Variants in NAV3 observed in about 807,000 individuals in gnomAD.
NAV3 encodes pore membrane and/or filament interacting like protein 1.
NAV3 carries 87 observed loss-of-function variants against 244.7 expected under a neutral mutation model. That is an observed-to-expected ratio of 0.36 (90% CI 0.30 to 0.42). The LOEUF is 0.42. Among genes scored for constraint, NAV3 ranks in the 20% least tolerant of loss-of-function variants. The probability of loss-of-function intolerance (pLI) is 1.00; values close to 1 mark genes in which losing one functional copy is unlikely to be tolerated. For missense variants in NAV3, 2,663 were observed against 2,893.3 expected (o/e 0.92, Z 1.83); for synonymous variants, 1,126 against 1,042.2 (o/e 1.08, Z -1.55).
rs113211322 is a variant in NAV3, at chr12:77,781,635, A to G, written c.73-158684A>G. On this transcript the variant is annotated intron_variant, in intron 2 of 8. Coordinates refer to the NAV3 transcript ENST00000550042. ...AGATGTACCCGACCACCTTGGGCAC[A>G]TGTCATCAGGACCTCCTGAGGCTGT... is the stretch of plus-strand genomic sequence containing the variant. 9.5e-3 allele frequency among the ~76,000 whole-genome samples: 1,450 copies of G among 152,276 alleles called. 21 individuals are homozygous for G. Among genetic ancestry groups the G allele is most frequent in the African/African-American group, 0.031 (1,297 of 41,554 alleles).
chr12:78,198,652 A>G lies in NAV3; in HGVS notation c.6494A>G (p.Asn2165Ser). The G allele has an allele frequency of 6.4e-7, 1 of 1,557,818 alleles. No individual in the cohort carries two copies. Among genetic ancestry groups the G allele is most frequent in the Non-Finnish European group, 8.7e-7 (1 of 1,148,450 alleles). The change falls in exon 36 of 40, where the codon AAT becomes AGT. Residue 2165 changes from asparagine to serine, a missense_variant. Transcript: ENST00000397909. The stretch of plus-strand genomic sequence containing the variant: ...AATCAGGGAGTTTCTTCATCACCAA[A>G]TCTAGAGCTGCATCACAATTTCAGG... ...TMNQGVSSSP[N>S]LELHHNFRWV...
intron 22 of NAV3, among the ~76,000 whole-genome samples, chr12:78,158,502 A>G (rs1314925609): frequency 1.3e-5 from 2 of 152,156 alleles, no homozygotes; most frequent in Non-Finnish European, 2.9e-5. Flanking sequence ...TAATTCTCTA[A>G]TATTTAAAAC....
chr12:77,640,544 C>G (rs2083551593), intron 2 of NAV3, among the ~76,000 whole-genome samples: 1 of 152,000 alleles, frequency 6.6e-6, no homozygotes. Flanking sequence ...TGTATTTTTG[C>G]TTACTTAGCA....
chr12:77,708,867 T>C (rs1393898568), intron 2 of NAV3, among the ~76,000 whole-genome samples: 1 of 152,172 alleles, frequency 6.6e-6, no homozygotes, highest in Non-Finnish European at 1.5e-5. Context: ...TGTTTGTCTG[T>C]TATTGGTGTA....
At chr12:77,719,542 T>C (rs1307868899) in intron 2 of NAV3, among the ~76,000 whole-genome samples, 1 of 152,162 alleles carries the variant, frequency 6.6e-6, no homozygotes, top group Non-Finnish European at 1.5e-5. Context: ...AAATGATTTT[T>C]CTGCCCCTGT....
intron 5 of NAV3, among the ~76,000 whole-genome samples, chr12:77,984,858 C>T (rs1220406148): frequency 6.6e-6 from 1 of 151,960 alleles, no homozygotes; most frequent in African/African-American, 2.4e-5. Flanking sequence ...GCTCTGTCAC[C>T]CATGCTGGAG....
At chr12:77,974,196 A>G (rs1893255786) in intron 5 of NAV3, among the ~76,000 whole-genome samples, 2 of 152,020 alleles carry the variant, frequency 1.3e-5, no homozygotes, top group Admixed American at 1.3e-4. Context: ...AGTGATAAAG[A>G]CTTGATTAAC....
intron 2 of NAV3, among the ~76,000 whole-genome samples, chr12:77,736,278 A>T (rs1877330626): frequency 6.6e-6 from 1 of 152,110 alleles, no homozygotes; most frequent in African/African-American, 2.4e-5. Context: ...AGATACAAAA[A>T]CCCTTTCCGG....
chr12:77,769,533 C>G (rs948104485), intron 2 of NAV3, among the ~76,000 whole-genome samples: 1 of 152,010 alleles, frequency 6.6e-6, no homozygotes. Context: ...TTTTTTTATT[C>G]TAAAAGAGTA....
intron 31 of NAV3, among the ~76,000 whole-genome samples, chr12:78,187,857 G>A (rs908257502): frequency 1.3e-5 from 2 of 151,822 alleles, no homozygotes; most frequent in Non-Finnish European, 2.9e-5. Flanking sequence ...GTTCTGTTCT[G>A]TCTCTCTCAC....
chr12:77,934,123 T>A (rs563739108), intron 1 of NAV3, among the ~76,000 whole-genome samples: 30 of 152,248 alleles, frequency 2.0e-4, no homozygotes, highest in Middle Eastern at 3.4e-3. Flanking sequence ...TCTGCAGTGA[T>A]GGGCTGGGGA....
chr12:77,856,249 A>G (rs1878378562), intron 1 of NAV3, among the ~76,000 whole-genome samples: 1 of 152,126 alleles, frequency 6.6e-6, no homozygotes, highest in Non-Finnish European at 1.5e-5. Flanking sequence ...GCTGTCTATG[A>G]AGTAGAGTAT....
At chr12:77,715,001 G>T (rs2137267744) in intron 2 of NAV3, among the ~76,000 whole-genome samples, 1 of 152,002 alleles carries the variant, frequency 6.6e-6, no homozygotes, top group South Asian at 2.1e-4. Context: ...TTAAAGTTAG[G>T]GTATTAGGTA....
chr12:77,765,296 A>G (rs1240017389), intron 2 of NAV3, among the ~76,000 whole-genome samples: 2 of 152,150 alleles, frequency 1.3e-5, no homozygotes, highest in Admixed American at 6.6e-5. Flanking sequence ...TGTTTGCTCC[A>G]TAACTCCAAA....
intron 9 of NAV3, among the ~76,000 whole-genome samples, chr12:78,034,242 T>C (rs543188131): frequency 4.6e-5 from 7 of 152,294 alleles, no homozygotes; most frequent in Admixed American, 2.6e-4. Context: ...ACACCCACAG[T>C]TGTGATAACG....
chr12:77,756,070 C>T (rs2135818896), intron 2 of NAV3, among the ~76,000 whole-genome samples: 1 of 152,170 alleles, frequency 6.6e-6, no homozygotes, highest in South Asian at 2.1e-4. Context: ...TCTTTTTGTA[C>T]TCATTTTGTT....
At chr12:77,934,339 T>G (rs1889115806) in intron 1 of NAV3, among the ~76,000 whole-genome samples, 1 of 152,202 alleles carries the variant, frequency 6.6e-6, no homozygotes, top group South Asian at 2.1e-4. Context: ...CTTCCTGTCC[T>G]GATTTCAAGT....
At chr12:77,598,611 C>G (rs79354998) in intron 2 of NAV3, among the ~76,000 whole-genome samples, 1 of 151,796 alleles carries the variant, frequency 6.6e-6, no homozygotes, top group South Asian at 2.1e-4. Flanking sequence ...ATCTGCATAT[C>G]TTTAATGTGT....
At chr12:78,142,951 G>A (rs1956693934) in intron 20 of NAV3, among the ~76,000 whole-genome samples, 3 of 151,898 alleles carry the variant, frequency 2.0e-5, no homozygotes, top group Admixed American at 2.0e-4. Flanking sequence ...CTACTTAAGA[G>A]AAAAATCATA....
Sources: allele counts gnomAD v4.1 joint callset (sites outside exome capture counted in the v4.1 genomes callset), GRCh38; gene constraint gnomAD v4.1.1; transcripts MANE v1.5; gene names NCBI Gene and HGNC (gene_info 2026-07-23, HGNC 2026-07-21).